Variants in NFATC3 observed in about 807,000 individuals in gnomAD.
NFATC3 encodes the protein nuclear factor of activated T cells 3.
In NFATC3, 46 loss-of-function variants were observed where a neutral mutation model predicts 98.6. The ratio of observed to expected loss-of-function variants is 0.47; its 90% confidence interval spans 0.37 to 0.60. The LOEUF is 0.60. Among genes scored for constraint, NFATC3 ranks in the 20% least tolerant of loss-of-function variants. The pLI is 0.00. For missense variants in NFATC3, 1,256 were observed against 1,295.5 expected (o/e 0.97, Z 0.47); for synonymous variants, 512 against 472.2 (o/e 1.08, Z -1.09).
intron 1 of NFATC3, chr16:68,088,917 C>A: frequency 4.2e-6 from 4 of 956,104 alleles, no homozygotes; most frequent in Non-Finnish European, 5.0e-6. Context: ...CCTGTTCTGG[C>A]TTCCCAAAAT....
chr16:68,216,678 C>T (rs2041654117), intron 9 of NFATC3, among the ~76,000 whole-genome samples: 2 of 152,036 alleles, frequency 1.3e-5, no homozygotes, highest in African/African-American at 4.8e-5. Flanking sequence ...ATTACAGGCA[C>T]CTGCCACCAC....
At chr16:68,118,161 CTCTT>C in intron 1 of NFATC3, among the ~76,000 whole-genome samples, 1 of 152,322 alleles carries the variant, frequency 6.6e-6, no homozygotes, top group East Asian at 1.9e-4. Flanking sequence ...CCCGCTGACT[CTCTT>C]TCTTTGCTTG....
chr16:68,196,388 T>A (rs903382104), intron 9 of NFATC3, among the ~76,000 whole-genome samples: 35 of 152,330 alleles, frequency 2.3e-4, no homozygotes, highest in African/African-American at 8.2e-4. Context: ...CCCAAAGTGC[T>A]GGGATTACAG....
intron 6 of NFATC3, among the ~76,000 whole-genome samples, chr16:68,175,529 C>T (rs1442829949): frequency 6.6e-6 from 1 of 152,014 alleles, no homozygotes; most frequent in Non-Finnish European, 1.5e-5. Context: ...TCAGTTGTTT[C>T]CTCTCAGTTT....
chr16:68,144,235 TATC>T (rs2037911773), intron 3 of NFATC3, among the ~76,000 whole-genome samples: 1 of 152,162 alleles, frequency 6.6e-6, no homozygotes, highest in African/African-American at 2.4e-5. Flanking sequence ...CACATTGAGT[TATC>T]ATTACATACC....
chr16:68,095,530 T>G lies in NFATC3; in HGVS notation c.103+9746T>G, dbSNP rs561209122. Among the ~76,000 whole-genome samples, 59 of 150,692 alleles carry G rather than the reference T, an allele frequency of 3.9e-4. No individual in the cohort carries two copies. In the South Asian group the frequency reaches 0.012, roughly 31 times the overall value. On this transcript the variant is annotated intron_variant, in intron 1 of 9. Coordinates refer to ENST00000346183, the MANE Select transcript of NFATC3 (RefSeq NM_173165.3). ...CACCGTGCCTGGCTAATTTTTGTAT[T>G]CTTAGTAGAGACAGGGTTTCACCAT...
At chr16:68,139,767 A>T (rs1055813001) in intron 3 of NFATC3, among the ~76,000 whole-genome samples, 5 of 152,188 alleles carry the variant, frequency 3.3e-5, no homozygotes, top group Admixed American at 2.0e-4. Flanking sequence ...CAGTTTGCTA[A>T]TGTAGCTGGG....
rs141271930 is a variant in NFATC3, at chr16:68,190,986, A to G, written c.2317A>G (p.Ser773Gly). 3 of 1,613,978 alleles carry G rather than the reference A, an allele frequency of 1.9e-6. No homozygotes were observed. The African/African-American group carries it at 4.0e-5, about 22-fold the overall frequency. The change falls in exon 9 of 10, where the codon AGT (serine) becomes GGT (glycine). Residue 773 changes from serine (S) to glycine (G), a missense_variant. By Grantham distance (56) the Ser-to-Gly change is moderately conservative. Around this residue, in one of 3 missense-constraint regions of NFATC3, gnomAD observed 636 missense variants for 617.3 expected, o/e 1.03. Transcript: ENST00000346183. Reference sequence around the variant, plus strand: ...GCCACAGTTGCAGTGTAGAGATGAGAGTGTTAGTAAAGAACAGCATATGAT... The same window carrying G: ...GCCACAGTTGCAGTGTAGAGATGAGGGTGTTAGTAAAGAACAGCATATGAT... ...HLPQLQCRDE[S>G]VSKEQHMIPS...
intron 3 of NFATC3, among the ~76,000 whole-genome samples, chr16:68,150,523 G>T (rs1172622548): frequency 1.3e-5 from 2 of 151,528 alleles, no homozygotes; most frequent in Non-Finnish European, 1.5e-5. Flanking sequence ...TCAGGGTTGT[G>T]TTGAGCTATG....
chr16:68,219,324 G>A (rs1477773566), intron 9 of NFATC3, among the ~76,000 whole-genome samples: 1 of 151,920 alleles, frequency 6.6e-6, no homozygotes, highest in Non-Finnish European at 1.5e-5. Context: ...CGGAGGTTGC[G>A]GTGAGCTGAG....
At position 68,166,918 on chromosome 16, in the gene NFATC3, A is replaced by G. The variant is rs920394115; in HGVS notation, c.1677A>G (p.Arg559=). 1 of 1,614,062 alleles carries G rather than the reference A, an allele frequency of 6.2e-7. No individual in the cohort carries two copies. The highest frequency in any genetic ancestry group is 1.3e-5 in the African/African-American group (1 of 74,948). Residue 559 remains arginine, a synonymous_variant, in exon 5 of 10, where the codon AGA becomes AGG. Transcript: ENST00000346183. Reference sequence around the variant, plus strand: ...GAAAAGGAGAAACTGATATTGGCAGAAAGAATACTAGAGTACGACTTGTGT... The same window carrying G: ...GAAAAGGAGAAACTGATATTGGCAGGAAGAATACTAGAGTACGACTTGTGT... ...ELRKGETDIG[R]KNTRVRLVFR...
intron 9 of NFATC3, among the ~76,000 whole-genome samples, chr16:68,219,676 C>G (rs1040766904): frequency 1.3e-5 from 2 of 152,136 alleles, no homozygotes; most frequent in African/African-American, 4.8e-5. Context: ...CATGACCAAA[C>G]TTTGGTGAAT....
chr16:68,181,370 A>G, intron 6 of NFATC3, 105 bp from the exon 7 acceptor site: 1 of 761,704 alleles, frequency 1.3e-6, no homozygotes, highest in Non-Finnish European at 2.3e-6. Context: ...AGTGGAAAAA[A>G]GATCCCCTTT....
chr16:68,186,394 G>A (rs1036424564), intron 8 of NFATC3, among the ~76,000 whole-genome samples: 1 of 152,020 alleles, frequency 6.6e-6, no homozygotes, highest in Non-Finnish European at 1.5e-5. Flanking sequence ...AAAAAAATGA[G>A]CCGGGCGTGG....
intron 3 of NFATC3, among the ~76,000 whole-genome samples, chr16:68,140,154 C>T (rs559413608): frequency 7.2e-5 from 11 of 152,198 alleles, no homozygotes; most frequent in South Asian, 4.2e-4. Flanking sequence ...CATGCCACCA[C>T]GCCTGGCTAG....
chr16:68,223,526 G>C (rs2041939780), intron 9 of NFATC3, among the ~76,000 whole-genome samples: 1 of 152,162 alleles, frequency 6.6e-6, no homozygotes, highest in Admixed American at 6.6e-5. Flanking sequence ...AGAATGGCTT[G>C]AGCCCAGGAG....
intron 1 of NFATC3, among the ~76,000 whole-genome samples, chr16:68,094,089 CTG>C (rs2034877997): frequency 6.6e-6 from 1 of 152,130 alleles, no homozygotes; most frequent in Non-Finnish European, 1.5e-5. Flanking sequence ...ATATCGCTAA[CTG>C]TGCTAGACCC....
Position 68,226,897 on chromosome 16 carries a change from C to CAAAAAAAAAAAAAAAAAA in NFATC3, c.*435_*452dup, listed in dbSNP as rs397955987. 73 of 30,334 alleles carry CAAAAAAAAAAAAAAAAAA rather than the reference C, an allele frequency of 2.4e-3. No individual in the cohort carries two copies. Among genetic ancestry groups the CAAAAAAAAAAAAAAAAAA allele is most frequent in the Non-Finnish European group, 2.7e-3 (49 of 18,152 alleles). The allele number at this position is 30,334 out of a possible 1,614,324, so 1.9% of individuals were successfully genotyped here. Reference sequence around the variant, plus strand: ...AACTTTTGATAAGACCTTCTAGAAGCAAAAAAAAAAAAAAAAAAAAAAAAA... The same window carrying CAAAAAAAAAAAAAAAAAA: ...AACTTTTGATAAGACCTTCTAGAAGCAAAAAAAAAAAAAAAAAAAAAAAAAAAAAAAAAAAAAAAAAAA... On this transcript the variant is annotated 3_prime_UTR_variant, in exon 10 of 10. Coordinates refer to ENST00000346183, the MANE Select transcript of NFATC3 (RefSeq NM_173165.3).
At chr16:68,101,726 G>A (rs143306270) in intron 1 of NFATC3, among the ~76,000 whole-genome samples, 6 of 151,594 alleles carry the variant, frequency 4.0e-5, no homozygotes, top group South Asian at 2.1e-4. Context: ...CTCATGATCC[G>A]CCCGCCTCTG....
Sources: allele counts gnomAD v4.1 joint callset (sites outside exome capture counted in the v4.1 genomes callset), GRCh38; gene constraint gnomAD v4.1.1; regional missense constraint gnomAD v4.1.1; transcripts MANE v1.5; gene names NCBI Gene and HGNC (gene_info 2026-07-23, HGNC 2026-07-21).